The following MCU variants were observed in gnomAD, a reference collection of about 807,000 sequenced individuals.
The protein encoded by MCU is calcium uniporter protein, mitochondrial.
A neutral mutation model predicts 45.2 loss-of-function variants in MCU; 12 were observed. The observed-to-expected ratio is 0.27, with a 90% CI of 0.17 to 0.43. The LOEUF (loss-of-function observed/expected upper bound fraction) is 0.43, where lower values mean the gene tolerates loss of function less well. MCU is among the 20% of genes least tolerant of loss of function. The pLI, the probability that MCU is intolerant of heterozygous loss-of-function variation, is 1.00. For synonymous variants in MCU, 160 were observed against 165.1 expected (o/e 0.97, Z 0.24); for missense variants, 324 against 436.7 (o/e 0.74, Z 2.30).
chr10:72,736,411 T>G (rs960707861), intron 1 of MCU: 1 of 152,174 alleles, frequency 6.6e-6, no homozygotes, highest in Non-Finnish European at 1.5e-5. Context: ...TAAAAGGAAG[T>G]GAGAGTGGAA....
intron 4 of MCU, among the ~76,000 whole-genome samples, chr10:72,862,223 T>C (rs998285360): frequency 3.9e-5 from 6 of 152,124 alleles, no homozygotes; most frequent in Admixed American, 3.9e-4. Context: ...CCTTGTGATC[T>C]GCCCGCCTCG....
chr10:72,884,573 A>G, intron 7 of MCU, 191 bp downstream of exon 7: 2 of 495,190 alleles, frequency 4.0e-6, no homozygotes, highest in South Asian at 7.0e-5. Context: ...GTTTTATAAA[A>G]AGCAAGTGAG....
At chr10:72,797,608 C>T (rs1439970855) in intron 1 of MCU, among the ~76,000 whole-genome samples, 2 of 147,074 alleles carry the variant, frequency 1.4e-5, no homozygotes, top group East Asian at 2.0e-4. Context: ...TGTGTCGGCT[C>T]ACTGCAACCT....
rs187449961 is a variant in MCU at position 72,797,717 on chromosome 10, T to C, written c.151-36642T>C. Among the ~76,000 whole-genome samples the C allele has an allele frequency of 3.0e-3, 452 of 151,928 alleles. 4 individuals carry two copies. The highest frequency in any genetic ancestry group is 0.01 in the African/African-American group (423 of 41,406). ...GCCCGGCTAGTTTTTATATTTTTAG[T>C]AGAGACAGGGTTTCACTGTGTTGGC... On this transcript the variant is annotated intron_variant, in intron 1 of 7. Coordinates refer to ENST00000373053, the MANE Select transcript of MCU (RefSeq NM_138357.3).
chr10:72,804,174 C>T (rs1025118846), intron 1 of MCU, among the ~76,000 whole-genome samples: 2 of 147,604 alleles, frequency 1.4e-5, no homozygotes, highest in Admixed American at 1.3e-4. Context: ...GCAACCTCCA[C>T]CTCCTGGGTT....
chr10:72,805,178 TTTCC>T (rs375373722), intron 1 of MCU, among the ~76,000 whole-genome samples: 2,247 of 140,416 alleles, frequency 0.016, 87 homozygotes, highest in African/African-American at 0.061. Flanking sequence ...TCTCTCTCTC[TTTCC>T]TTCCTTCCTT....
intron 6 of MCU, among the ~76,000 whole-genome samples, chr10:72,883,805 A>G (rs1451310010): frequency 2.0e-5 from 3 of 152,242 alleles, no homozygotes; most frequent in African/African-American, 7.2e-5. Context: ...GAGTGAAGGT[A>G]GCCATATAAA....
intron 1 of MCU, chr10:72,712,200 A>G (rs1030535818): frequency 1.3e-5 from 2 of 152,200 alleles, no homozygotes; most frequent in Non-Finnish European, 2.9e-5. Flanking sequence ...GGAATTTATT[A>G]TGTCATTTTT....
In MCU at chr10:72,885,824, C is replaced by G; in HGVS notation, c.*2C>G. On this transcript the variant is annotated 3_prime_UTR_variant, in exon 8 of 8. Coordinates refer to ENST00000373053, the MANE Select transcript of MCU (RefSeq NM_138357.3). ...CGACAAATTGGTGAAAAAGATTGATCTGCAAAAAGCCTCTGAATCCTGGCA... is the reference window on the plus strand; with the variant it reads ...CGACAAATTGGTGAAAAAGATTGATGTGCAAAAAGCCTCTGAATCCTGGCA... The G allele has an allele frequency of 1.9e-6, 3 of 1,611,894 alleles. No individual in the cohort carries two copies. In the East Asian group the frequency reaches 6.7e-5, roughly 36 times the overall value.
At chr10:72,864,690 G>C (rs923797371) in intron 4 of MCU, among the ~76,000 whole-genome samples, 2 of 152,130 alleles carry the variant, frequency 1.3e-5, no homozygotes, top group African/African-American at 4.8e-5. Context: ...GTTGCAGGGG[G>C]GTGGTGCCCC....
chr10:72,692,936 A>C, intron 1 of MCU: 1 of 1,525,080 alleles, frequency 6.6e-7, no homozygotes, highest in Non-Finnish European at 8.8e-7. Context: ...GCATTGCTTC[A>C]GGAGGCAAGC....
chr10:72,698,948 C>T (rs968319537), intron 1 of MCU, among the ~76,000 whole-genome samples: 1 of 152,196 alleles, frequency 6.6e-6, no homozygotes, highest in Admixed American at 6.5e-5. Flanking sequence ...GGACTACAGG[C>T]ACAATCCACC....
intron 1 of MCU, among the ~76,000 whole-genome samples, chr10:72,723,530 T>G (rs954384199): frequency 2.0e-5 from 3 of 152,178 alleles, no homozygotes; most frequent in African/African-American, 7.2e-5. Flanking sequence ...CTTGCTTTGA[T>G]AAAAGAATAG....
At chr10:72,709,651 T>C (rs1003123935) in intron 1 of MCU, among the ~76,000 whole-genome samples, 1 of 152,132 alleles carries the variant, frequency 6.6e-6, no homozygotes, top group African/African-American at 2.4e-5. Flanking sequence ...GATATAGATA[T>C]AGATGTCAAT....
chr10:72,833,147 T>G (rs1844904602), intron 1 of MCU, among the ~76,000 whole-genome samples: 1 of 152,136 alleles, frequency 6.6e-6, no homozygotes, highest in Non-Finnish European at 1.5e-5. Flanking sequence ...TAGATCCAAA[T>G]TCATGTAATT....
intron 1 of MCU, among the ~76,000 whole-genome samples, chr10:72,772,335 A>G (rs982655569): frequency 2.0e-5 from 3 of 152,214 alleles, no homozygotes; most frequent in Non-Finnish European, 4.4e-5. Flanking sequence ...TGGTTTGATC[A>G]TTTCCTAGAG....
At chr10:72,846,298 T>C (rs1199859895) in intron 2 of MCU, among the ~76,000 whole-genome samples, 1 of 152,158 alleles carries the variant, frequency 6.6e-6, no homozygotes, top group Non-Finnish European at 1.5e-5. Flanking sequence ...CTGCATCAGC[T>C]TCCCGAAGTG....
intron 1 of MCU, among the ~76,000 whole-genome samples, chr10:72,816,240 A>G (rs991257201): frequency 6.6e-6 from 1 of 152,200 alleles, no homozygotes; most frequent in Non-Finnish European, 1.5e-5. Flanking sequence ...ACACTCATTA[A>G]CAAGTCTAGT....
At chr10:72,715,212 G>A in intron 1 of MCU, 3 of 980,952 alleles carry the variant, frequency 3.1e-6, no homozygotes, top group Non-Finnish European at 3.6e-6. Flanking sequence ...TGTGGAGCTG[G>A]CCTGTGGGAG....
Sources: allele counts gnomAD v4.1 joint callset (sites outside exome capture counted in the v4.1 genomes callset), GRCh38; gene constraint gnomAD v4.1.1; transcripts MANE v1.5; gene names NCBI Gene and HGNC (gene_info 2026-07-23, HGNC 2026-07-21).